Variants in ARHGAP42 observed in about 807,000 individuals in gnomAD.
The protein encoded by ARHGAP42 is Rho GTPase activating protein 42, also known as rho GTPase-activating protein 42.
A neutral mutation model predicts 125.0 loss-of-function variants in ARHGAP42; 63 were observed. The ratio of observed to expected loss-of-function variants is 0.50; its 90% confidence interval spans 0.41 to 0.62. The LOEUF (loss-of-function observed/expected upper bound fraction) is 0.62, where lower values mean the gene tolerates loss of function less well. Ranked by LOEUF, ARHGAP42 falls within the 20% of genes least tolerant of loss-of-function variation. The pLI, the probability that ARHGAP42 is intolerant of heterozygous loss-of-function variation, is 0.00. For missense variants in ARHGAP42, 766 were observed against 1,024.2 expected (o/e 0.75, Z 3.44); for synonymous variants, 339 against 351.0 (o/e 0.97, Z 0.38).
At chr11:100,820,965 TTTG>T (rs1327661984) in intron 3 of ARHGAP42, among the ~76,000 whole-genome samples, 2 of 152,008 alleles carry the variant, frequency 1.3e-5, no homozygotes, top group Non-Finnish European at 2.9e-5. Context: ...TGTTTGTTTG[TTTG>T]TTTTTGTTTT....
At chr11:100,987,033 T>C (rs554088640) in intron 22 of ARHGAP42, among the ~76,000 whole-genome samples, 2 of 152,262 alleles carry the variant, frequency 1.3e-5, no homozygotes, top group African/African-American at 4.8e-5. Context: ...CAACTTATCC[T>C]ATTATTTTTC....
intron 4 of ARHGAP42, among the ~76,000 whole-genome samples, chr11:100,865,648 A>C (rs1445636937): frequency 1.3e-5 from 2 of 152,166 alleles, no homozygotes; most frequent in African/African-American, 2.4e-5. Context: ...AGTCACACAT[A>C]TTTTTTATTT....
intron 1 of ARHGAP42, among the ~76,000 whole-genome samples, chr11:100,765,797 G>A (rs1862816391): frequency 6.6e-6 from 1 of 152,144 alleles, no homozygotes. Context: ...TTGCTCCTGT[G>A]AGTCTTCCTT....
At chr11:100,868,463 A>C (rs768134184) in intron 4 of ARHGAP42, among the ~76,000 whole-genome samples, 10 of 152,208 alleles carry the variant, frequency 6.6e-5, no homozygotes, top group Non-Finnish European at 1.2e-4. Context: ...CAGCCTATTA[A>C]ATAACCGTTA....
intron 3 of ARHGAP42, among the ~76,000 whole-genome samples, chr11:100,812,285 C>G (rs11224464): frequency 6.6e-6 from 1 of 152,150 alleles, no homozygotes; most frequent in Non-Finnish European, 1.5e-5. Context: ...ACAAAACAGA[C>G]GAAATTTATG....
intron 6 of ARHGAP42, among the ~76,000 whole-genome samples, chr11:100,927,693 C>T (rs922379436): frequency 2.6e-5 from 4 of 152,240 alleles, no homozygotes; most frequent in African/African-American, 9.6e-5. Context: ...TGCCTCTGTT[C>T]CTTTACCAGG....
chr11:100,694,548 G>A (rs377195175), intron 1 of ARHGAP42, among the ~76,000 whole-genome samples: 37 of 152,218 alleles, frequency 2.4e-4, no homozygotes, highest in African/African-American at 7.0e-4. Flanking sequence ...CTTCTAGGCC[G>A]GTGCCAGCCT....
chr11:100,720,615 A>T (rs1206634534), intron 1 of ARHGAP42, among the ~76,000 whole-genome samples: 1 of 152,164 alleles, frequency 6.6e-6, no homozygotes, highest in Non-Finnish European at 1.5e-5. Context: ...ACCACAACAA[A>T]AAACCCCAAG....
At chr11:100,823,782 C>T (rs959713198) in intron 3 of ARHGAP42, among the ~76,000 whole-genome samples, 62 of 152,252 alleles carry the variant, frequency 4.1e-4, no homozygotes, top group African/African-American at 1.4e-3. Flanking sequence ...CAAATATAAA[C>T]AATTATTTAT....
chr11:100,966,573 C>T (rs930461213), intron 17 of ARHGAP42, among the ~76,000 whole-genome samples: 1 of 152,054 alleles, frequency 6.6e-6, no homozygotes, highest in Non-Finnish European at 1.5e-5. Context: ...GGAGGGTAAT[C>T]TACTCTACTT....
At chr11:100,969,657 C>A (rs1858188032) in intron 17 of ARHGAP42, among the ~76,000 whole-genome samples, 1 of 152,024 alleles carries the variant, frequency 6.6e-6, no homozygotes, top group Non-Finnish European at 1.5e-5. Context: ...AAAATAACCT[C>A]TCTCTCATTA....
chr11:100,851,317 A>G (rs1437131334), intron 3 of ARHGAP42, among the ~76,000 whole-genome samples: 3 of 152,206 alleles, frequency 2.0e-5, no homozygotes, highest in African/African-American at 7.2e-5. Context: ...GGTGCATGCC[A>G]TTTATATTTA....
intron 7 of ARHGAP42, among the ~76,000 whole-genome samples, chr11:100,935,383 GC>G (rs1488807974): frequency 6.6e-6 from 1 of 152,084 alleles, no homozygotes; most frequent in Non-Finnish European, 1.5e-5. Context: ...TAATACCTTT[GC>G]TAGTAAACCA....
intron 7 of ARHGAP42, among the ~76,000 whole-genome samples, chr11:100,933,514 T>C (rs1867642959): frequency 1.3e-5 from 2 of 152,142 alleles, no homozygotes; most frequent in South Asian, 4.1e-4. Context: ...ATGAGTAAGT[T>C]TGGAGAGCTA....
At chr11:100,875,019 A>G (rs921421997) in intron 4 of ARHGAP42, among the ~76,000 whole-genome samples, 1 of 147,358 alleles carries the variant, frequency 6.8e-6, no homozygotes, top group Non-Finnish European at 1.5e-5. Flanking sequence ...GCAAATGTTA[A>G]TTTCTATGTT....
chr11:100,827,580 T>C (rs1367165730), intron 3 of ARHGAP42, among the ~76,000 whole-genome samples: 2 of 152,098 alleles, frequency 1.3e-5, no homozygotes, highest in African/African-American at 4.8e-5. Flanking sequence ...GCCAGTAGGA[T>C]GGGAAACCTC....
chr11:100,753,913 G>A (rs1862516951), intron 1 of ARHGAP42, among the ~76,000 whole-genome samples: 1 of 152,224 alleles, frequency 6.6e-6, no homozygotes, highest in Admixed American at 6.5e-5. Context: ...CTTTCAAAGA[G>A]TCTTTGGTTT....
chr11:100,932,165 T>C (rs536334234), intron 6 of ARHGAP42, among the ~76,000 whole-genome samples: 1 of 152,340 alleles, frequency 6.6e-6, no homozygotes, highest in Admixed American at 6.5e-5. Context: ...ATAGCACATG[T>C]AACCAGTTGA....
At chr11:100,735,323 C>T (rs1189384629) in intron 1 of ARHGAP42, among the ~76,000 whole-genome samples, 4 of 152,066 alleles carry the variant, frequency 2.6e-5, no homozygotes, top group African/African-American at 9.7e-5. Context: ...GAGTGGAATC[C>T]CCCTTATGTT....
Sources: allele counts gnomAD v4.1 joint callset (sites outside exome capture counted in the v4.1 genomes callset), GRCh38; gene constraint gnomAD v4.1.1; transcripts MANE v1.5; gene names NCBI Gene and HGNC (gene_info 2026-07-23, HGNC 2026-07-21).